Variants in SMYD3 observed in about 807,000 individuals in gnomAD.
The protein encoded by SMYD3 is histone-lysine N-methyltransferase SMYD3.
Under a neutral mutation model 57.7 loss-of-function variants are expected in SMYD3, and 36 were observed. The observed-to-expected ratio is 0.62, with a 90% CI of 0.48 to 0.82. The LOEUF is 0.82. Among genes scored for constraint, SMYD3 ranks in the 40% least tolerant of loss-of-function variants. The pLI, the probability that SMYD3 is intolerant of heterozygous loss-of-function variation, is 0.00. For missense variants in SMYD3, 515 were observed against 538.8 expected, an observed-to-expected ratio of 0.96 and a Z score of 0.44; for synonymous variants, 211 against 195.0, an observed-to-expected ratio of 1.08 and a Z score of -0.68.
intron 8 of SMYD3, among the ~76,000 whole-genome samples, chr1:245,903,090 G>T (rs1165920250): frequency 6.6e-6 from 1 of 152,060 alleles, no homozygotes; most frequent in East Asian, 1.9e-4. Flanking sequence ...AAAACAATAT[G>T]AAAAACTCAG....
At chr1:246,018,132 C>T (rs1010771965) in intron 5 of SMYD3, among the ~76,000 whole-genome samples, 1 of 152,050 alleles carries the variant, frequency 6.6e-6, no homozygotes, top group Non-Finnish European at 1.5e-5. Context: ...TGGACACAGC[C>T]GGGAAATATA....
In SMYD3 at chr1:245,776,173, GATTT is replaced by G. The variant is rs548141497; in HGVS notation, c.1077-12028_1077-12025del. 2.7e-3 allele frequency among the ~76,000 whole-genome samples: 406 copies of G among 152,246 alleles called. 6 individuals carry two copies. Among genetic ancestry groups the G allele is most frequent in the Admixed American group, 4.5e-3 (69 of 15,300 alleles). On this transcript the variant is annotated intron_variant, in intron 10 of 11. Coordinates refer to ENST00000490107, the MANE Select transcript of SMYD3 (RefSeq NM_001167740.2). Reference sequence around the variant, plus strand: ...GACTTATATATCCTTCACAATATGTGATTTATTTAATAATTTTAAAAGTCTTAAT... The same window carrying G: ...GACTTATATATCCTTCACAATATGTGATTTAATAATTTTAAAAGTCTTAAT...
rs2046647284 is a variant in SMYD3 at position 245,777,358 on chromosome 1, T to C, written c.1077-13209A>G. ...AGTCAAAATTGCCAAAGGCAACCAC[T>C]TTAGGGCATCAGAAATTGATCTAAG... On this transcript the variant is annotated intron_variant, in intron 10 of 11. Coordinates refer to ENST00000490107, the MANE Select transcript of SMYD3 (RefSeq NM_001167740.2). Among the ~76,000 whole-genome samples, 11 of 152,326 alleles carry C rather than the reference T, an allele frequency of 7.2e-5. No individual in the cohort carries two copies. In the South Asian group the frequency reaches 2.1e-3, roughly 29 times the overall value.
chr1:246,213,704 T>C (rs2063122575), intron 5 of SMYD3, among the ~76,000 whole-genome samples: 1 of 152,170 alleles, frequency 6.6e-6, no homozygotes, highest in Non-Finnish European at 1.5e-5. Flanking sequence ...CTGGCTCCAT[T>C]CTCACTTCAG....
chr1:246,428,522 C>T (rs1311978398), intron 1 of SMYD3, among the ~76,000 whole-genome samples: 1 of 152,174 alleles, frequency 6.6e-6, no homozygotes, highest in Non-Finnish European at 1.5e-5. Context: ...TAATCCTTGC[C>T]ACAACTTTCT....
chr1:246,113,131 G>A (rs1361837901), intron 5 of SMYD3, among the ~76,000 whole-genome samples: 2 of 151,590 alleles, frequency 1.3e-5, no homozygotes, highest in Admixed American at 6.6e-5. Flanking sequence ...GCAGTGAGCC[G>A]AGATCACGCC....
chr1:245,758,322 G>T (rs1372566711), intron 11 of SMYD3, among the ~76,000 whole-genome samples: 2 of 152,022 alleles, frequency 1.3e-5, no homozygotes, highest in Non-Finnish European at 2.9e-5. Context: ...CTCCATATGA[G>T]ATCATGTCAT....
chr1:245,834,596 G>A (rs1266860708), intron 10 of SMYD3, among the ~76,000 whole-genome samples: 1 of 152,222 alleles, frequency 6.6e-6, no homozygotes, highest in Non-Finnish European at 1.5e-5. Flanking sequence ...TGGGTAAGCT[G>A]AAAATTTAGG....
intron 1 of SMYD3, among the ~76,000 whole-genome samples, chr1:246,395,110 G>A (rs1470646522): frequency 6.6e-6 from 1 of 152,148 alleles, no homozygotes; most frequent in Non-Finnish European, 1.5e-5. Context: ...GAGGCAATTC[G>A]GTCACTTGTT....
intron 1 of SMYD3, among the ~76,000 whole-genome samples, chr1:246,447,373 A>G (rs868596981): frequency 1.1e-4 from 16 of 152,372 alleles, no homozygotes; most frequent in South Asian, 2.1e-4. Flanking sequence ...AATACAAATA[A>G]TCAACTTCTT....
intron 5 of SMYD3, among the ~76,000 whole-genome samples, chr1:246,196,046 AAC>A (rs1046397845): frequency 1.3e-5 from 2 of 152,182 alleles, no homozygotes; most frequent in African/African-American, 4.8e-5. Context: ...TTTAAAAAAA[AAC>A]CTCCCTTTGC....
chr1:246,485,298 C>T (rs546684336), intron 1 of SMYD3, among the ~76,000 whole-genome samples: 2 of 152,116 alleles, frequency 1.3e-5, no homozygotes, highest in Non-Finnish European at 2.9e-5. Flanking sequence ...GAAAACATAT[C>T]ACTTCAACCA....
chr1:246,364,741 A>G (rs1572424514), intron 1 of SMYD3, among the ~76,000 whole-genome samples: 1 of 151,938 alleles, frequency 6.6e-6, no homozygotes, highest in Admixed American at 6.6e-5. Context: ...AATTCCATCC[A>G]CCCCCAAGTG....
chr1:246,189,400 A>G (rs1320301716), intron 5 of SMYD3, among the ~76,000 whole-genome samples: 1 of 152,226 alleles, frequency 6.6e-6, no homozygotes, highest in Non-Finnish European at 1.5e-5. Context: ...CAGTTATTCC[A>G]TATTGGAGCA....
At chr1:246,317,462 G>A (rs1360483360) in intron 5 of SMYD3, among the ~76,000 whole-genome samples, 1 of 152,254 alleles carries the variant, frequency 6.6e-6, no homozygotes, top group Non-Finnish European at 1.5e-5. Context: ...TGCAAGCTAA[G>A]GATGTTTTCT....
intron 1 of SMYD3, among the ~76,000 whole-genome samples, chr1:246,484,285 GCACTAGTTACACCTAAAAACA>G (rs1558485941): frequency 2.0e-4 from 10 of 49,896 alleles, no homozygotes; most frequent in East Asian, 8.5e-4. Context: ...CTAAACCACT[GCACTAGTTACACCTAAAAACA>G]CATCACTTCA....
intron 10 of SMYD3, among the ~76,000 whole-genome samples, chr1:245,765,200 A>AC (rs1394953802): frequency 6.7e-6 from 1 of 148,344 alleles, no homozygotes; most frequent in Non-Finnish European, 1.5e-5. Flanking sequence ...ACCCTGGGTA[A>AC]CAAGGCAAAA....
chr1:246,076,563 A>G (rs1034206025), intron 5 of SMYD3, among the ~76,000 whole-genome samples: 1 of 152,240 alleles, frequency 6.6e-6, no homozygotes, highest in African/African-American at 2.4e-5. Flanking sequence ...AAATGACTTC[A>G]GTACACTAAT....
At chr1:246,169,630 C>T (rs996799469) in intron 5 of SMYD3, among the ~76,000 whole-genome samples, 2 of 151,894 alleles carry the variant, frequency 1.3e-5, no homozygotes, top group African/African-American at 2.4e-5. Flanking sequence ...ACAGCAAGGC[C>T]GGGTGCGGTG....
Sources: gnomAD v4.1 joint callset for allele counts (sites outside exome capture counted in the v4.1 genomes callset) on GRCh38, gnomAD v4.1.1 for gene constraint, MANE v1.5 for transcripts, NCBI Gene and HGNC (gene_info 2026-07-23, HGNC 2026-07-21) for gene names.